The following PADI1 variants were observed in gnomAD, a reference collection of about 807,000 sequenced individuals.
PADI1 encodes the protein peptidyl arginine deiminase 1, also known as protein-arginine deiminase type-1.
In PADI1, 65 loss-of-function variants were observed where a neutral mutation model predicts 74.8. That is an observed-to-expected ratio of 0.87 (90% confidence interval 0.71 to 1.07). PADI1 has a LOEUF of 1.07. Among genes scored for constraint, PADI1 ranks in the 50% least tolerant of loss-of-function variants. PADI1 has a pLI of 0.00. For synonymous variants in PADI1, 371 were observed against 336.2 expected, an observed-to-expected ratio of 1.10 and a Z score of -1.13; for missense variants, 943 against 854.0, an observed-to-expected ratio of 1.10 and a Z score of -1.30.
At chr1:17,206,550 A>G (rs1030911895) in intron 1 of PADI1, among the ~76,000 whole-genome samples, 2 of 152,196 alleles carry the variant, frequency 1.3e-5, no homozygotes, top group Non-Finnish European at 2.9e-5. Context: ...TTTAGCAAAT[A>G]AAAATACAGG....
chr1:17,224,535 C>A, intron 4 of PADI1, 107 bp downstream of exon 4: 2 of 879,836 alleles, frequency 2.3e-6, no homozygotes, highest in Non-Finnish European at 3.7e-6. Context: ...TCCCCAGGGT[C>A]TGTAGTATCC....
rs1056227269 is a variant in PADI1 at position 17,245,765 on chromosome 1, G to A, written c.*1522G>A. ...CCAGCCTGCACTGAGTCAAGAAGGAGAAGGAGGCTCTGAAGGGGCCGGGGG... is the reference window on the plus strand; with the variant it reads ...CCAGCCTGCACTGAGTCAAGAAGGAAAAGGAGGCTCTGAAGGGGCCGGGGG... On this transcript the variant is annotated 3_prime_UTR_variant, in exon 16 of 16. Transcript: ENST00000375471. This position sits in a 1 kb window ranked among gnomAD's most constrained non-coding sequence, Gnocchi z 4.1. 6.6e-6 allele frequency: 1 copy of A among 152,502 alleles called. No individual in the cohort carries two copies. 9.4% of individuals were successfully genotyped at this position (152,502 alleles called of 1,614,324 possible).
At chr1:17,219,290 G>A (rs2100432297) in intron 1 of PADI1, among the ~76,000 whole-genome samples, 1 of 152,232 alleles carries the variant, frequency 6.6e-6, no homozygotes, top group African/African-American at 2.4e-5. Flanking sequence ...GAGGGAACAT[G>A]AGGGATGAGG....
At chr1:17,239,991 C>A (rs1424411260) in intron 14 of PADI1, 3 of 557,076 alleles carry the variant, frequency 5.4e-6, no homozygotes, top group Non-Finnish European at 6.5e-6. Context: ...GAGCTCCCAG[C>A]CTAATGAGGG....
chr1:17,218,988 A>C (rs757584846), intron 1 of PADI1, among the ~76,000 whole-genome samples: 6 of 152,100 alleles, frequency 3.9e-5, no homozygotes, highest in Non-Finnish European at 8.8e-5. Flanking sequence ...AGATAGGAGA[A>C]GATAGGACAT....
Position 17,224,423 on chromosome 1 carries a change from G to T in PADI1, c.403G>T (p.Asp135Tyr), listed in dbSNP as rs771756563. ...RTGKVKRSQG[D>Y]KKTWRWGPEG... ...AGGCAAGGTGAAGAGGAGCCAAGGG[G>T]ACAAGGTGAGACCCTTCCGGGCACC... is the stretch of plus-strand genomic sequence containing the variant. The change falls in exon 4 of 16, where the codon GAC becomes TAC. Residue 135 changes from aspartate (D) to tyrosine (Y), a missense_variant. Transcript: ENST00000375471. 29 of 1,613,240 alleles carry T rather than the reference G, an allele frequency of 1.8e-5. No individual in the cohort carries two copies. The Admixed American group carries it at 4.3e-4, about 24-fold the overall frequency.
At chr1:17,219,879 G>A (rs1040928028) in intron 1 of PADI1, among the ~76,000 whole-genome samples, 8 of 152,044 alleles carry the variant, frequency 5.3e-5, no homozygotes, top group Admixed American at 1.3e-4. Context: ...CTGCTATTGG[G>A]GGCAGGCTTC....
At chr1:17,240,876 GTC>G in intron 15 of PADI1, 116 bp downstream of exon 15, 1 of 1,142,262 alleles carries the variant, frequency 8.8e-7, no homozygotes, top group South Asian at 1.6e-5. Flanking sequence ...CCTCTCCAGT[GTC>G]TGTTTTTGTG....
rs1337605905 is a variant in PADI1, at chr1:17,239,722, A to G, written c.1571A>G (p.Lys524Arg). Reference protein sequence around the residue: ...AQFDGLKHQAKRSINEMLADR... With the variant: ...AQFDGLKHQARRSINEMLADR... ...CTTGCAGGGTTAAAACACCAGGCAA[A>G]AAGAAGCATTAATGAGATGCTGGCA... is the stretch of plus-strand genomic sequence containing the variant. Residue 524 changes from lysine (K) to arginine (R), a missense_variant, in exon 14 of 16, where the codon AAA becomes AGA. By Grantham distance (26) the Lys-to-Arg change is conservative (BLOSUM62 2). Transcript: ENST00000375471. The G allele has an allele frequency of 2.5e-6, 4 of 1,613,958 alleles. No individual in the cohort carries two copies. Among genetic ancestry groups the G allele is most frequent in the East Asian group, 4.5e-5 (2 of 44,880 alleles).
intron 1 of PADI1, among the ~76,000 whole-genome samples, chr1:17,212,224 T>C (rs1205544524): frequency 6.6e-6 from 1 of 152,222 alleles, no homozygotes; most frequent in Non-Finnish European, 1.5e-5. Context: ...ACGGCATTTC[T>C]TGTGGCTTCA....
At chr1:17,216,346 T>C in intron 1 of PADI1, among the ~76,000 whole-genome samples, 1 of 152,124 alleles carries the variant, frequency 6.6e-6, no homozygotes, top group East Asian at 1.9e-4. Context: ...ATGTGAGCTG[T>C]GGCAGAGGTG....
In PADI1 at chr1:17,205,276, T is replaced by G; in HGVS notation, c.59T>G (p.Val20Gly). The G allele has an allele frequency of 6.2e-7, 1 of 1,613,852 alleles. No individual in the cohort carries two copies. Among genetic ancestry groups the G allele is most frequent in the Non-Finnish European group, 8.5e-7 (1 of 1,179,922 alleles). The part of the protein sequence containing the change: ...SLKMPTHAVC[V>G]VGVEAHVDIH... Reference sequence around the variant, plus strand: ...AAGATGCCTACCCATGCCGTGTGTGTGGTGGGAGTCGAGGCACATGTGGAC... The same window carrying G: ...AAGATGCCTACCCATGCCGTGTGTGGGGTGGGAGTCGAGGCACATGTGGAC... The change falls in exon 1 of 16, where the codon GTG becomes GGG. Residue 20 changes from valine (V) to glycine (G), a missense_variant. Val to Gly is a moderately radical substitution (Grantham distance 109). Coordinates refer to ENST00000375471, the MANE Select transcript of PADI1 (RefSeq NM_013358.3).
In PADI1 at chr1:17,207,377, C is replaced by A. The variant is rs573168767; in HGVS notation, c.92+2068C>A. On this transcript the variant is annotated intron_variant, in intron 1 of 15. Transcript: ENST00000375471. ...ACTCCATTCTCAGGCTGGCTCCAGG[C>A]GTGGCTGGAGCTGCACTTCCGAGCC... Among the ~76,000 whole-genome samples, 84 of 152,282 alleles carry A rather than the reference C, an allele frequency of 5.5e-4. 1 individual carries two copies. Among genetic ancestry groups the A allele is most frequent in the African/African-American group, 1.9e-3 (78 of 41,558 alleles).
At chr1:17,211,408 C>T (rs1260660943) in intron 1 of PADI1, among the ~76,000 whole-genome samples, 2 of 152,044 alleles carry the variant, frequency 1.3e-5, no homozygotes, top group African/African-American at 4.8e-5. Flanking sequence ...AACTCCTGAC[C>T]TCAGCCTCCC....
chr1:17,240,253 G>A (rs1263664520), intron 14 of PADI1: 7 of 241,006 alleles, frequency 2.9e-5, no homozygotes, highest in African/African-American at 1.6e-4. Flanking sequence ...CACAGAGTCG[G>A]TGCTCAGTTA....
chr1:17,244,296 G>T lies in PADI1; in HGVS notation c.*53G>T, dbSNP rs764055448. ...CCCTCTTGCTAGGGAACCCTGCCAGGGTGAAGGCAAGGAACAACCACCTGG... is the reference window on the plus strand; with the variant it reads ...CCCTCTTGCTAGGGAACCCTGCCAGTGTGAAGGCAAGGAACAACCACCTGG... On this transcript the variant is annotated 3_prime_UTR_variant, in exon 16 of 16. Coordinates refer to ENST00000375471, the MANE Select transcript of PADI1 (RefSeq NM_013358.3). 11 of 1,411,820 alleles carry T rather than the reference G, an allele frequency of 7.8e-6. No homozygotes were observed. In the African/African-American group the frequency reaches 1.6e-4, roughly 20 times the overall value. 87.5% of individuals were successfully genotyped at this position (1,411,820 alleles called of 1,614,324 possible).
In PADI1 at chr1:17,239,754, C is replaced by A; in HGVS notation, c.1603C>A (p.His535Asn). 6.2e-7 allele frequency: 1 copy of A among 1,613,984 alleles called. No homozygotes were observed. ...RSINEMLADR[H>N]LQRDNLHAQK... ...CATTAATGAGATGCTGGCAGACAGA[C>A]ACCTCCAGAGAGACAATCTTCATGC... Residue 535 changes from histidine (H) to asparagine (N), a missense_variant, in exon 14 of 16, where the codon CAC (histidine) becomes AAC (asparagine). His to Asn is a moderately conservative substitution (Grantham distance 68, BLOSUM62 1). Coordinates refer to ENST00000375471, the MANE Select transcript of PADI1 (RefSeq NM_013358.3).
chr1:17,230,538 G>C (rs1205806589), intron 9 of PADI1, 34 bp from the exon 10 acceptor site: 1 of 1,470,464 alleles, frequency 6.8e-7, no homozygotes, highest in South Asian at 1.2e-5. Flanking sequence ...ACCCGAAAAA[G>C]GTCACTGTGG....
At chr1:17,206,677 C>CT (rs144936945) in intron 1 of PADI1, among the ~76,000 whole-genome samples, 14 of 120,222 alleles carry the variant, frequency 1.2e-4, no homozygotes, top group African/African-American at 3.8e-4. Flanking sequence ...TCTTTTTTTT[C>CT]TTTTTCTTTT....
Sources: gnomAD v4.1 joint callset for allele counts (sites outside exome capture counted in the v4.1 genomes callset) on GRCh38, gnomAD v4.1.1 for gene constraint, Gnocchi (gnomAD v3.1) non-coding constraint, MANE v1.5 for transcripts, NCBI Gene and HGNC (gene_info 2026-07-23, HGNC 2026-07-21) for gene names.